CEACAM4: variants seen among roughly 807,000 people sequenced by gnomAD.
CEACAM4 encodes the protein CEA cell adhesion molecule 4.
Under a neutral mutation model 28.7 loss-of-function variants are expected in CEACAM4, and 30 were observed. The observed-to-expected ratio is 1.05, with a 90% CI of 0.78 to 1.42. The LOEUF is 1.42. CEACAM4 is among the 40% of genes most tolerant of loss of function. CEACAM4 has a pLI of 0.00. For missense variants in CEACAM4, 330 were observed against 308.2 expected, an observed-to-expected ratio of 1.07 and a Z score of -0.53; for synonymous variants, 143 against 126.5, an observed-to-expected ratio of 1.13 and a Z score of -0.87.
chr19:41,626,947 G>T lies in CEACAM4; in HGVS notation c.17C>A (p.Ala6Asp). Residue 6 changes from alanine (A) to aspartate (D), a missense_variant, in exon 1 of 7, where the codon GCC becomes GAC. Transcript: ENST00000221954. MGPPS[A>D]APRGGHRPWQ... ...GGGCCTGTGCCCTCCACGGGGAGCG[G>T]CTGAGGGGGGGCCCATGGTCTCTGC... 2 of 1,604,808 alleles carry T rather than the reference G, an allele frequency of 1.2e-6. No individual in the cohort carries two copies. The highest frequency in any genetic ancestry group is 1.1e-5 in the South Asian group (1 of 90,344).
chr19:41,621,204 G>A (rs1218999884), intron 3 of CEACAM4, among the ~76,000 whole-genome samples: 5 of 152,070 alleles, frequency 3.3e-5, no homozygotes, highest in South Asian at 2.1e-4. Flanking sequence ...CATCAATCAC[G>A]ATGGGGTGCT....
At chr19:41,622,704 A>G (rs2071364701) in intron 2 of CEACAM4, among the ~76,000 whole-genome samples, 1 of 152,222 alleles carries the variant, frequency 6.6e-6, no homozygotes, top group Non-Finnish European at 1.5e-5. Flanking sequence ...CATCAAAAAA[A>G]TAAGAATACT....
At chr19:41,622,374 A>G (rs1555801910) in intron 2 of CEACAM4, among the ~76,000 whole-genome samples, 2 of 152,100 alleles carry the variant, frequency 1.3e-5, no homozygotes, top group Non-Finnish European at 2.9e-5. Flanking sequence ...CACTGCGCCC[A>G]GTCTTCCTCT....
intron 2 of CEACAM4, among the ~76,000 whole-genome samples, chr19:41,622,209 CT>C (rs1292120707): frequency 2.0e-5 from 3 of 152,126 alleles, no homozygotes; most frequent in African/African-American, 7.2e-5. Flanking sequence ...TCCCAAGTAG[CT>C]GGGATTACAG....
chr19:41,626,107 TGTGTGTGTG>T (rs2071643402), intron 1 of CEACAM4, 147 bp from the exon 2 acceptor site: 1 of 511,830 alleles, frequency 2.0e-6, no homozygotes, highest in Admixed American at 3.4e-5. Context: ...TGTGTGTGTG[TGTGTGTGTG>T]TGTGTGTGTC....
At chr19:41,618,939 G>A (rs955553407), downstream of CEACAM4, 8 of 210,166 alleles carry the variant, frequency 3.8e-5, no homozygotes, top group African/African-American at 1.8e-4. Flanking sequence ...TATTTTCCCT[G>A]TGTGACCCGG....
At chr19:41,619,609 G>A in intron 6 of CEACAM4, 61 bp downstream of exon 6, 2 of 1,568,870 alleles carry the variant, frequency 1.3e-6, no homozygotes, top group Non-Finnish European at 1.7e-6. Flanking sequence ...AGGTGCTGGT[G>A]GGGGCAGATC....
At chr19:41,626,857 T>C in intron 1 of CEACAM4, 43 bp downstream of exon 1, 1 of 1,573,978 alleles carries the variant, frequency 6.4e-7, no homozygotes, top group East Asian at 2.3e-5. Flanking sequence ...AGTCAGTCTC[T>C]GTGCTCCCTC....
downstream of CEACAM4, among the ~76,000 whole-genome samples, chr19:41,618,063 C>A (rs1329772805): frequency 9.1e-6 from 1 of 110,356 alleles, no homozygotes; most frequent in Non-Finnish European, 2.2e-5. Flanking sequence ...CAGGCACCAG[C>A]TCACTTGTGG....
downstream of CEACAM4, among the ~76,000 whole-genome samples, chr19:41,615,670 A>T (rs2070975046): frequency 6.6e-6 from 1 of 152,062 alleles, no homozygotes; most frequent in Admixed American, 6.5e-5. Flanking sequence ...GAGAGATGAC[A>T]AGGGTGACCC....
downstream of CEACAM4, among the ~76,000 whole-genome samples, chr19:41,615,468 C>G (rs1400566489): frequency 6.6e-5 from 10 of 151,982 alleles, no homozygotes; most frequent in Admixed American, 2.0e-4. Flanking sequence ...GTGAGGATGT[C>G]AGGGTGAGAG....
At position 41,620,614 on chromosome 19, in the gene CEACAM4, G is replaced by A. The variant is rs782706599; in HGVS notation, c.556C>T (p.Arg186Cys). The change falls in exon 4 of 7, where the codon CGT (arginine) becomes TGT (cysteine). Residue 186 changes from arginine (R) to cysteine (C), a missense_variant. Coordinates refer to ENST00000221954, the MANE Select transcript of CEACAM4 (RefSeq NM_001817.4). ...LSRTGRASIQ[R>C]DLREQPPPAS... The stretch of plus-strand genomic sequence containing the variant: ...GGGGGCGGCTGCTCCCTGAGGTCAC[G>A]CTGGATGCTGGCCCTAGGAAAGGTC... The A allele has an allele frequency of 4.3e-6, 7 of 1,612,612 alleles. No homozygotes were observed. In the South Asian group the frequency reaches 4.4e-5, roughly 10 times the overall value.
At position 41,619,717 on chromosome 19, in the gene CEACAM4, C is replaced by G. The variant is rs782263927; in HGVS notation, c.628-6G>C. The G allele has an allele frequency of 1.3e-6, 2 of 1,569,116 alleles. No homozygotes were observed. The highest frequency in any genetic ancestry group is 1.4e-5 in the African/African-American group (1 of 73,632). On this transcript the variant is annotated splice_region_variant and splice_polypyrimidine_tract_variant and intron_variant, in intron 5 of 6. Coordinates refer to ENST00000221954, the MANE Select transcript of CEACAM4 (RefSeq NM_001817.4). Reference sequence around the variant, plus strand: ...CTGGGGCTGGGTAGAGGGGCCTGGGCAGGGGAGAGAGGAGATGTCAGGGGA... The same window carrying G: ...CTGGGGCTGGGTAGAGGGGCCTGGGGAGGGGAGAGAGGAGATGTCAGGGGA...
chr19:41,619,756 T>A, intron 5 of CEACAM4, 45 bp from the exon 6 acceptor site: 1 of 1,468,640 alleles, frequency 6.8e-7, no homozygotes, highest in Non-Finnish European at 9.1e-7. Flanking sequence ...GGAGGGAGGG[T>A]CACGGAAGCC....
chr19:41,623,258 T>A (rs1333031697), intron 2 of CEACAM4, among the ~76,000 whole-genome samples: 2 of 152,160 alleles, frequency 1.3e-5, no homozygotes. Flanking sequence ...CCTCAGGTGA[T>A]CTGCCTGCCT....
chr19:41,621,980 C>T (rs1555801794), intron 2 of CEACAM4, among the ~76,000 whole-genome samples: 2 of 152,214 alleles, frequency 1.3e-5, no homozygotes, highest in Non-Finnish European at 2.9e-5. Context: ...GATGTACCAA[C>T]TCCTACATTC....
At chr19:41,618,708 C>G (rs1248045070), downstream of CEACAM4, among the ~76,000 whole-genome samples, 1 of 152,178 alleles carries the variant, frequency 6.6e-6, no homozygotes, top group Non-Finnish European at 1.5e-5. Flanking sequence ...GCCCCATCTT[C>G]TGTGCTCCTG....
chr19:41,621,910 G>C, intron 2 of CEACAM4, 142 bp from the exon 3 acceptor site: 1 of 617,526 alleles, frequency 1.6e-6, no homozygotes, highest in South Asian at 2.1e-5. Context: ...TGTCCTCATA[G>C]CTGACTCCCT....
chr19:41,625,541 T>C (rs2122598612), intron 2 of CEACAM4, 60 bp downstream of exon 2: 3 of 1,532,492 alleles, frequency 2.0e-6, no homozygotes, highest in East Asian at 4.5e-5. Flanking sequence ...GGCCTGACAA[T>C]CTCATGTGTG....
Sources: gnomAD v4.1 joint callset for allele counts (sites outside exome capture counted in the v4.1 genomes callset) on GRCh38, gnomAD v4.1.1 for gene constraint, MANE v1.5 for transcripts, NCBI Gene and HGNC (gene_info 2026-07-23, HGNC 2026-07-21) for gene names.